The following CISD2 variants were observed in gnomAD, a reference collection of about 807,000 sequenced individuals.
The protein encoded by CISD2 is CDGSH iron sulfur domain 2.
A neutral mutation model predicts 12.9 loss-of-function variants in CISD2; 1 was observed. That is an observed-to-expected ratio of 0.08 (90% CI 0.03 to 0.37). The LOEUF is 0.37. Among genes scored for constraint, CISD2 ranks in the 10% least tolerant of loss-of-function variants. The pLI is 0.99. For missense variants in CISD2, 97 were observed against 163.1 expected, an observed-to-expected ratio of 0.59 and a Z score of 2.21; for synonymous variants, 50 against 60.6, an observed-to-expected ratio of 0.83 and a Z score of 0.81.
rs1466742862 is a variant in CISD2, at chr4:102,890,951, A to G, written c.*3521A>G. 1 of 150,278 alleles carries G rather than the reference A, an allele frequency of 6.7e-6. No homozygotes were observed. Among genetic ancestry groups the G allele is most frequent in the Non-Finnish European group, 1.5e-5 (1 of 67,908 alleles). The allele number at this position is 150,278 out of a possible 1,614,324, so 9.3% of individuals were successfully genotyped here. A position where few individuals can be genotyped will look rare whatever the true frequency, so the allele number is the denominator to read the frequency against. Reference sequence around the variant, plus strand: ...ACCAATATAAATATCTCAGCATTGTAGGAAATTTAACCCATGGAAAGCAGG... The same window carrying G: ...ACCAATATAAATATCTCAGCATTGTGGGAAATTTAACCCATGGAAAGCAGG... On this transcript the variant is annotated 3_prime_UTR_variant, in exon 3 of 3. Transcript: ENST00000273986.
At chr4:102,883,162 G>A (rs1733765594) in intron 1 of CISD2, among the ~76,000 whole-genome samples, 1 of 152,144 alleles carries the variant, frequency 6.6e-6, no homozygotes, top group Non-Finnish European at 1.5e-5. Flanking sequence ...TTGCCTGTGA[G>A]CATGCCTTTC....
intron 1 of CISD2, among the ~76,000 whole-genome samples, chr4:102,871,934 A>G (rs1733461157): frequency 7.5e-6 from 1 of 133,020 alleles, no homozygotes; most frequent in Non-Finnish European, 1.6e-5. Context: ...CCACATGGAG[A>G]TCTTTAATGA....
In CISD2 at chr4:102,889,629, A is replaced by G. The variant is rs1313220328; in HGVS notation, c.*2199A>G. 4 of 133,450 alleles carry G rather than the reference A, an allele frequency of 3.0e-5. No individual in the cohort carries two copies. Among genetic ancestry groups the G allele is most frequent in the African/African-American group, 1.1e-4 (4 of 36,452 alleles). The allele number at this position is 133,450 out of a possible 1,614,324, so 8.3% of individuals were successfully genotyped here. A position where few individuals can be genotyped will look rare whatever the true frequency, so the allele number is the denominator to read the frequency against. ...TAAGATGGTTGTACTCTCAGAATAA[A>G]GACTTTTTCCCTGCCACATTTTCAG... On this transcript the variant is annotated 3_prime_UTR_variant, in exon 3 of 3. Coordinates refer to ENST00000273986, the MANE Select transcript of CISD2 (RefSeq NM_001008388.5).
intron 1 of CISD2, among the ~76,000 whole-genome samples, chr4:102,875,335 A>G (rs1733568556): frequency 6.6e-6 from 1 of 152,210 alleles, no homozygotes; most frequent in African/African-American, 2.4e-5. Flanking sequence ...CTTCTGTATT[A>G]TTGCTGATAG....
At position 102,891,034 on chromosome 4, in the gene CISD2, A is replaced by G. The variant is rs1288583453; in HGVS notation, c.*3604A>G. The G allele has an allele frequency of 6.6e-6, 1 of 151,022 alleles. No individual in the cohort carries two copies. Among genetic ancestry groups the G allele is most frequent in the Non-Finnish European group, 1.5e-5 (1 of 68,016 alleles). 9.4% of individuals were successfully genotyped at this position (151,022 alleles called of 1,614,324 possible). On this transcript the variant is annotated 3_prime_UTR_variant, in exon 3 of 3. Coordinates refer to ENST00000273986, the MANE Select transcript of CISD2 (RefSeq NM_001008388.5). ...AAGCAGATAATTTAGATATAGTCAA[A>G]GTATGAAATCATTGATAGATCCAGA... is the stretch of plus-strand genomic sequence containing the variant.
rs192184046 is a variant in CISD2 at position 102,869,346 on chromosome 4, G to A, written c.103+159G>A. 216 of 959,942 alleles carry A rather than the reference G, an allele frequency of 2.3e-4. 1 individual carries two copies. In the African/African-American group the frequency reaches 3.2e-3, roughly 14 times the overall value. 59.5% of individuals were successfully genotyped at this position (959,942 alleles called of 1,614,324 possible). A position where few individuals can be genotyped will look rare whatever the true frequency, so the allele number is the denominator to read the frequency against. ...TGGGCGCGCGCCGACGCAGCTGCCT[G>A]GGGAACGCCTGTGAGGCAGTCTCCG... On this transcript the variant is annotated intron_variant, in intron 1 of 2. Transcript: ENST00000273986.
At chr4:102,873,434 G>A (rs1040236976) in intron 1 of CISD2, among the ~76,000 whole-genome samples, 1 of 151,734 alleles carries the variant, frequency 6.6e-6, no homozygotes, top group Non-Finnish European at 1.5e-5. Flanking sequence ...ACCACACCTG[G>A]CTCATTTTTT....
chr4:102,879,239 C>CT (rs1341326133), intron 1 of CISD2, among the ~76,000 whole-genome samples: 7 of 151,762 alleles, frequency 4.6e-5, no homozygotes, highest in Non-Finnish European at 1.0e-4. Context: ...TTAGTAGATA[C>CT]TTAATAATTA....
intron 1 of CISD2, among the ~76,000 whole-genome samples, chr4:102,879,729 G>A (rs1733671987): frequency 6.6e-6 from 1 of 151,994 alleles, no homozygotes; most frequent in African/African-American, 2.4e-5. Context: ...CCAAGATCAT[G>A]CCACTGCACT....
chr4:102,869,357 G>A (rs1481510918), intron 1 of CISD2, 170 bp downstream of exon 1: 15 of 863,122 alleles, frequency 1.7e-5, no homozygotes, highest in Non-Finnish European at 2.6e-5. Context: ...GGGAACGCCT[G>A]TGAGGCAGTC....
At chr4:102,878,015 A>C (rs1421034107) in intron 1 of CISD2, among the ~76,000 whole-genome samples, 1 of 151,896 alleles carries the variant, frequency 6.6e-6, no homozygotes, top group Non-Finnish European at 1.5e-5. Context: ...GACCTCTGAC[A>C]TGTCCTGGAG....
Position 102,869,236 on chromosome 4 carries a change from G to C in CISD2, c.103+49G>C, listed in dbSNP as rs544217469. The C allele has an allele frequency of 1.3e-5, 20 of 1,559,900 alleles. No homozygotes were observed. In the East Asian group the frequency reaches 1.9e-4, roughly 15 times the overall value. The stretch of plus-strand genomic sequence containing the variant: ...CCCCATCCTTGCACGTTCGCCAAGC[G>C]GGGGAAGGAGGCGTAAAAATCCTAG... On this transcript the variant is annotated intron_variant, in intron 1 of 2. Transcript: ENST00000273986.
In CISD2 at chr4:102,889,993, G is replaced by C. The variant is rs1233734528; in HGVS notation, c.*2563G>C. ...CAGCCCTGTTGTTACTGCGTCACAT[G>C]ATTGTTTTGAGGACTGCTTCTGCTT... On this transcript the variant is annotated 3_prime_UTR_variant, in exon 3 of 3. Coordinates refer to ENST00000273986, the MANE Select transcript of CISD2 (RefSeq NM_001008388.5). The C allele has an allele frequency of 7.5e-6, 1 of 134,022 alleles. No homozygotes were observed. The highest frequency in any genetic ancestry group is 3.0e-5 in the African/African-American group (1 of 33,694). 8.3% of individuals were successfully genotyped at this position (134,022 alleles called of 1,614,324 possible).
chr4:102,883,966 T>G (rs1290481101), intron 1 of CISD2, among the ~76,000 whole-genome samples: 1 of 152,182 alleles, frequency 6.6e-6, no homozygotes, highest in Non-Finnish European at 1.5e-5. Context: ...GATAAATAGG[T>G]TTTTTCATTT....
At chr4:102,876,980 A>G (rs2110394633) in intron 1 of CISD2, among the ~76,000 whole-genome samples, 1 of 152,304 alleles carries the variant, frequency 6.6e-6, no homozygotes, top group East Asian at 1.9e-4. Context: ...AACCACTCCC[A>G]TGATCCAATC....
At chr4:102,874,697 T>A (rs1337852874) in intron 1 of CISD2, 1 of 152,216 alleles carries the variant, frequency 6.6e-6, no homozygotes, top group Non-Finnish European at 1.5e-5. Flanking sequence ...TCTGTTGTTT[T>A]AAGCTAAAAA....
rs1204406448 is a variant in CISD2, at chr4:102,891,595, G to C, written c.*4165G>C. Reference sequence around the variant, plus strand: ...CCTTAGCTATTTAGTTAAAAGCTTAGTGCTTAACATGTTGGAAAATTTATA... The same window carrying C: ...CCTTAGCTATTTAGTTAAAAGCTTACTGCTTAACATGTTGGAAAATTTATA... On this transcript the variant is annotated 3_prime_UTR_variant, in exon 3 of 3. Transcript: ENST00000273986. The C allele has an allele frequency of 6.6e-6, 1 of 152,210 alleles. No individual in the cohort carries two copies. The highest frequency in any genetic ancestry group is 1.5e-5 in the Non-Finnish European group (1 of 68,046). The allele number at this position is 152,210 out of a possible 1,614,324, so 9.4% of individuals were successfully genotyped here.
At chr4:102,881,135 C>A (rs1213746275) in intron 1 of CISD2, among the ~76,000 whole-genome samples, 1 of 151,094 alleles carries the variant, frequency 6.6e-6, no homozygotes, top group East Asian at 1.9e-4. Context: ...TTTTAAGTTT[C>A]TTGTTTGATT....
intron 1 of CISD2, among the ~76,000 whole-genome samples, chr4:102,882,420 A>G (rs1014091024): frequency 5.9e-5 from 9 of 152,228 alleles, no homozygotes; most frequent in African/African-American, 1.7e-4. Context: ...CCATATGCAA[A>G]GAACTCAAAA....
Sources: allele counts gnomAD v4.1 joint callset (sites outside exome capture counted in the v4.1 genomes callset), GRCh38; gene constraint gnomAD v4.1.1; transcripts MANE v1.5; gene names NCBI Gene and HGNC (gene_info 2026-07-23, HGNC 2026-07-21).